Variants in ASIC2 observed in about 807,000 individuals in gnomAD.
ASIC2 encodes acid-sensing ion channel 2.
A neutral mutation model predicts 57.3 loss-of-function variants in ASIC2; 25 were observed. The ratio of observed to expected loss-of-function variants is 0.44; its 90% CI spans 0.32 to 0.61. The LOEUF (loss-of-function observed/expected upper bound fraction) is 0.61, where lower values mean the gene tolerates loss of function less well. Among genes scored for constraint, ASIC2 ranks in the 20% least tolerant of loss-of-function variants. ASIC2 has a pLI of 0.06. For missense variants in ASIC2, 641 were observed against 738.1 expected (o/e 0.87, Z 1.52); for synonymous variants, 319 against 307.5 (o/e 1.04, Z -0.39).
intron 1 of ASIC2, among the ~76,000 whole-genome samples, chr17:33,311,644 G>C (rs976577540): frequency 6.6e-6 from 1 of 152,086 alleles, no homozygotes; most frequent in African/African-American, 2.4e-5. Flanking sequence ...TCCATGTTTG[G>C]GAAGCACAAC....
chr17:33,644,487 A>T (rs1468068167), intron 1 of ASIC2, among the ~76,000 whole-genome samples: 3 of 152,160 alleles, frequency 2.0e-5, no homozygotes, highest in Non-Finnish European at 4.4e-5. Flanking sequence ...ATAGTTTCTC[A>T]GGGGTATTTG....
chr17:33,546,653 GA>G (rs1442808287), intron 1 of ASIC2, among the ~76,000 whole-genome samples: 1 of 152,142 alleles, frequency 6.6e-6, no homozygotes, highest in African/African-American at 2.4e-5. Flanking sequence ...GAAATGCTGG[GA>G]AAACTGCCAA....
intron 1 of ASIC2, among the ~76,000 whole-genome samples, chr17:33,243,103 G>A (rs1398686232): frequency 6.6e-6 from 1 of 152,168 alleles, no homozygotes; most frequent in Non-Finnish European, 1.5e-5. Flanking sequence ...TACCATGCAG[G>A]GCTCTTCCCA....
chr17:33,348,014 A>G (rs557690011), intron 1 of ASIC2, among the ~76,000 whole-genome samples: 1 of 152,178 alleles, frequency 6.6e-6, no homozygotes, highest in Admixed American at 6.5e-5. Flanking sequence ...AGGTAGAAGA[A>G]TCGCTTGAAC....
intron 1 of ASIC2, among the ~76,000 whole-genome samples, chr17:34,112,129 G>T (rs1250461500): frequency 1.3e-5 from 2 of 152,068 alleles, no homozygotes; most frequent in East Asian, 3.9e-4. Flanking sequence ...TTAGTGGAAA[G>T]AATAATATAT....
chr17:33,175,640 C>A (rs1465541023), intron 1 of ASIC2, among the ~76,000 whole-genome samples: 1 of 152,054 alleles, frequency 6.6e-6, no homozygotes, highest in Non-Finnish European at 1.5e-5. Context: ...AAAGAGGCAA[C>A]ATTTCTCAGT....
At position 33,212,054 on chromosome 17, in the gene ASIC2, G is replaced by A. The variant is rs572861797; in HGVS notation, c.708+79354C>T. Among the ~76,000 whole-genome samples, 11 of 152,282 alleles carry A rather than the reference G, an allele frequency of 7.2e-5. No homozygotes were observed. In the East Asian group the frequency reaches 9.7e-4, roughly 13 times the overall value. On this transcript the variant is annotated intron_variant, in intron 1 of 9. Transcript: ENST00000225823. ...GCCCAAAGTTACACAGGTAGCAAGC[G>A]CCAGAGCTAGGATGGGACTCCCTGT... is the stretch of plus-strand genomic sequence containing the variant.
At chr17:33,331,138 G>A (rs1026808602) in intron 1 of ASIC2, among the ~76,000 whole-genome samples, 3 of 152,216 alleles carry the variant, frequency 2.0e-5, no homozygotes, top group African/African-American at 4.8e-5. Flanking sequence ...GCACATTTGA[G>A]GGATCTAGGT....
intron 1 of ASIC2, among the ~76,000 whole-genome samples, chr17:33,819,444 G>A (rs540402300): frequency 1.6e-4 from 24 of 152,316 alleles, no homozygotes; most frequent in African/African-American, 5.8e-4. Flanking sequence ...ACAAAGGAAG[G>A]GAGATACATT....
chr17:33,579,357 C>G (rs1044056306), intron 1 of ASIC2, among the ~76,000 whole-genome samples: 2 of 150,906 alleles, frequency 1.3e-5, no homozygotes, highest in Non-Finnish European at 2.9e-5. Flanking sequence ...CACGATGTGG[C>G]TTGGTATGTT....
intron 1 of ASIC2, chr17:34,004,291 T>C (rs1286044214): frequency 2.0e-5 from 3 of 152,242 alleles, no homozygotes; most frequent in Admixed American, 2.0e-4. Context: ...ATAAACCATC[T>C]AGGAATGCGA....
In ASIC2 at chr17:33,180,887, G is replaced by T. The variant is rs76050510; in HGVS notation, c.709-68820C>A. Reference sequence around the variant, plus strand: ...GTGGCCCTACCAAGCAAGTCTGGTTGGTTCAATGCTCTGCTCCTTCTGGTC... The same window carrying T: ...GTGGCCCTACCAAGCAAGTCTGGTTTGTTCAATGCTCTGCTCCTTCTGGTC... On this transcript the variant is annotated intron_variant, in intron 1 of 9. Coordinates refer to ENST00000225823, the MANE Select transcript of ASIC2 (RefSeq NM_183377.2). Among the ~76,000 whole-genome samples, 1,498 of 152,246 alleles carry T rather than the reference G, an allele frequency of 9.8e-3. 6 individuals are homozygous for T. Among genetic ancestry groups the T allele is most frequent in the Non-Finnish European group, 0.014 (940 of 68,014 alleles).
rs138859156 is a variant in ASIC2 at position 33,138,831 on chromosome 17, A to T, written c.709-26764T>A. On this transcript the variant is annotated intron_variant, in intron 1 of 9. Transcript: ENST00000225823. The stretch of plus-strand genomic sequence containing the variant: ...ATATACTATCTTGAATTGACATTTT[A>T]AAAAAATGCATATTTTAACTGGCTG... Among the ~76,000 whole-genome samples, 295 of 152,292 alleles carry T rather than the reference A, an allele frequency of 1.9e-3. 2 individuals are homozygous for T. Among genetic ancestry groups the T allele is most frequent in the African/African-American group, 6.3e-3 (260 of 41,540 alleles).
At chr17:33,185,817 A>C (rs1308128165) in intron 1 of ASIC2, among the ~76,000 whole-genome samples, 1 of 152,192 alleles carries the variant, frequency 6.6e-6, no homozygotes, top group Non-Finnish European at 1.5e-5. Flanking sequence ...CATGTGTTCT[A>C]TCAGCCAGAG....
chr17:33,928,612 G>A (rs1915870583), intron 1 of ASIC2, among the ~76,000 whole-genome samples: 1 of 152,140 alleles, frequency 6.6e-6, no homozygotes, highest in Non-Finnish European at 1.5e-5. Context: ...CCCCTCTCTT[G>A]GAAATGTAGT....
At chr17:33,214,161 T>C (rs1416409465) in intron 1 of ASIC2, among the ~76,000 whole-genome samples, 1 of 152,194 alleles carries the variant, frequency 6.6e-6, no homozygotes, top group Non-Finnish European at 1.5e-5. Context: ...GAAACATCCC[T>C]GGCTCCCATC....
chr17:33,059,738 G>A (rs2092012928), intron 3 of ASIC2, among the ~76,000 whole-genome samples: 1 of 152,210 alleles, frequency 6.6e-6, no homozygotes, highest in African/African-American at 2.4e-5. Context: ...TCACCACACT[G>A]TCTTCCACAA....
chr17:34,012,422 G>A (rs933622048), intron 1 of ASIC2, among the ~76,000 whole-genome samples: 3 of 152,102 alleles, frequency 2.0e-5, no homozygotes, highest in Admixed American at 6.5e-5. Context: ...ATTTTTACTC[G>A]AACATTTTCA....
intron 1 of ASIC2, among the ~76,000 whole-genome samples, chr17:33,881,761 T>A (rs1431101278): frequency 1.3e-5 from 2 of 152,158 alleles, no homozygotes; most frequent in African/African-American, 4.8e-5. Context: ...AAAAACTACT[T>A]TAAAGTTCAT....
Sources: allele counts gnomAD v4.1 joint callset (sites outside exome capture counted in the v4.1 genomes callset), GRCh38; gene constraint gnomAD v4.1.1; transcripts MANE v1.5; gene names NCBI Gene and HGNC (gene_info 2026-07-23, HGNC 2026-07-21).